The following CAD variants were observed in gnomAD, a reference collection of about 807,000 sequenced individuals.
CAD encodes multifunctional protein CAD.
A neutral mutation model predicts 237.2 loss-of-function variants in CAD; 81 were observed. The ratio of observed to expected loss-of-function variants is 0.34; its 90% CI spans 0.29 to 0.41. The LOEUF (loss-of-function observed/expected upper bound fraction) is 0.41, where lower values mean the gene tolerates loss of function less well. CAD is among the 10% of genes least tolerant of loss of function. The probability of loss-of-function intolerance (pLI) is 1.00; values close to 1 mark genes in which losing one functional copy is unlikely to be tolerated. For missense variants in CAD, 2,181 were observed against 2,951.7 expected (o/e 0.74, Z 6.05); for synonymous variants, 1,196 against 1,162.8 (o/e 1.03, Z -0.58).
chr2:27,234,782 G>A, intron 23 of CAD, 97 bp downstream of exon 23: 1 of 1,149,522 alleles, frequency 8.7e-7, no homozygotes, highest in Non-Finnish European at 1.2e-6. Context: ...GGCACTGACT[G>A]CAAGGCATTG....
At position 27,224,376 on chromosome 2, in the gene CAD, C is replaced by A. The variant is rs150506795; in HGVS notation, c.1140C>A (p.Pro380=). 8.7e-6 allele frequency: 14 copies of A among 1,614,098 alleles called. No homozygotes were observed. Among genetic ancestry groups the A allele is most frequent in the Non-Finnish European group, 1.2e-5 (14 of 1,180,052 alleles). Residue 380 remains proline (P), a synonymous_variant, in exon 9 of 44, where the codon CCC becomes CCA. Transcript: ENST00000264705. ...VRERLTERLC[P]PGIPTPGSGL... ...AGCGGCTGACTGAGCGCCTCTGTCC[C>A]CCTGGGATTCCCACTCCCGGCTCTG...
In CAD at chr2:27,232,557, C is replaced by T. The variant is rs1486356083; in HGVS notation, c.2755C>T (p.Leu919=). The change falls in exon 18 of 44, where the codon CTA becomes TTA. Residue 919 remains leucine, a synonymous_variant. Transcript: ENST00000264705. The surrounding 1 kb of genome is among the most constrained non-coding windows in gnomAD (Gnocchi z 4.1). ...EWPAQTNYLY[L]TYWGTTHDLT... is the part of the protein sequence containing the mutation. ...GCCAGCCCAGACAAATTACCTATACCTAACGTATTGGGGCACCACCCATGA... is the reference window on the plus strand; with the variant it reads ...GCCAGCCCAGACAAATTACCTATACTTAACGTATTGGGGCACCACCCATGA... 1 of 1,614,090 alleles carries T rather than the reference C, an allele frequency of 6.2e-7. No homozygotes were observed. Among genetic ancestry groups the T allele is most frequent in the East Asian group, 2.2e-5 (1 of 44,892 alleles).
chr2:27,234,790 T>C (rs1675922111), intron 23 of CAD, 105 bp downstream of exon 23: 3 of 1,090,948 alleles, frequency 2.7e-6, no homozygotes, highest in East Asian at 2.6e-5. Context: ...CTGCAAGGCA[T>C]TGCCGGATCG....
At position 27,223,606 on chromosome 2, in the gene CAD, T is replaced by G; in HGVS notation, c.853T>G (p.Ser285Ala). Residue 285 changes from serine (S) to alanine (A), a missense_variant, in exon 7 of 44, where the codon TCT becomes GCT. Around this residue, in one of 12 missense-constraint regions of CAD, gnomAD observed 129 missense variants for 143.3 expected, o/e 0.90. Transcript: ENST00000264705. ...GHNQPCLLVG[S>A]GRCFLTSQNH... ...TAACCAGCCCTGCTTGTTGGTGGGC[T>G]CTGGGCGCTGCTTTCTGACATCCCA... 1 of 1,613,602 alleles carries G rather than the reference T, an allele frequency of 6.2e-7. No individual in the cohort carries two copies. The highest frequency in any genetic ancestry group is 8.5e-7 in the Non-Finnish European group (1 of 1,180,012).
In CAD at chr2:27,241,882, G is replaced by T. The variant is rs773110156; in HGVS notation, c.5884-29G>T. 1 of 1,589,786 alleles carries T rather than the reference G, an allele frequency of 6.3e-7. No individual in the cohort carries two copies. The highest frequency in any genetic ancestry group is 1.1e-5 in the South Asian group (1 of 90,342). On this transcript the variant is annotated intron_variant, in intron 38 of 43. Transcript: ENST00000264705. The surrounding 1 kb of genome is among the most constrained non-coding windows in gnomAD (Gnocchi z 4.6). ...GTTTCCCCAGGGTGGACACGCATACGTACACCTTCCATCTTGCTCTTTCCC... is the reference window on the plus strand; with the variant it reads ...GTTTCCCCAGGGTGGACACGCATACTTACACCTTCCATCTTGCTCTTTCCC...
At position 27,239,620 on chromosome 2, in the gene CAD, T is replaced by C; in HGVS notation, c.5395-77T>C. On this transcript the variant is annotated intron_variant, in intron 33 of 43. Transcript: ENST00000264705. The surrounding 1 kb of genome is among the most constrained non-coding windows in gnomAD (Gnocchi z 4.0). ...GGCACAGCTCCCCCAAGGTGCTTTT[T>C]GTCCTTGCTGACATCTACCCCTTTA... 6.7e-7 allele frequency: 1 copy of C among 1,488,244 alleles called. No individual in the cohort carries two copies. The highest frequency in any genetic ancestry group is 9.2e-7 in the Non-Finnish European group (1 of 1,086,516). 92.2% of individuals were successfully genotyped at this position (1,488,244 alleles called of 1,614,324 possible). A position where few individuals can be genotyped will look rare whatever the true frequency, so the allele number is the denominator to read the frequency against.
At chr2:27,222,079 A>G (rs1675198858) in intron 3 of CAD, 115 bp from the exon 4 acceptor site, 5 of 1,016,478 alleles carry the variant, frequency 4.9e-6, no homozygotes, top group African/African-American at 3.2e-5. Context: ...ATTTTGATGC[A>G]CATAGAACAG....
chr2:27,229,719 T>A (rs763807522), intron 15 of CAD, among the ~76,000 whole-genome samples: 1 of 150,952 alleles, frequency 6.6e-6, no homozygotes, highest in Non-Finnish European at 1.5e-5. Context: ...CTAGAAAATA[T>A]ACAAAAATTA....
At position 27,235,552 on chromosome 2, in the gene CAD, T is replaced by C; in HGVS notation, c.3986T>C (p.Leu1329Pro). 1 of 1,614,106 alleles carries C rather than the reference T, an allele frequency of 6.2e-7. No homozygotes were observed. Among genetic ancestry groups the C allele is most frequent in the Non-Finnish European group, 8.5e-7 (1 of 1,180,008 alleles). Residue 1329 changes from leucine to proline, a missense_variant, in exon 25 of 44, where the codon CTC (leucine) becomes CCC (proline). By Grantham distance (98) the Leu-to-Pro change is moderately conservative. This residue lies in a region of CAD where 306 missense variants were observed against 607.9 expected (regional missense o/e 0.50). Transcript: ENST00000264705. The surrounding 1 kb of genome is among the most constrained non-coding windows in gnomAD (Gnocchi z 5.2). ...TGGTTTCAGAACAAAAGCGAGCTGC[T>C]CCCAACTGTGCGGCTACTGGAGAGC... ...IGSYKNKSELLPTVRLLESLG... is the reference protein window; with the variant it reads ...IGSYKNKSELPPTVRLLESLG...
chr2:27,231,048 C>T (rs528241096), intron 15 of CAD, among the ~76,000 whole-genome samples: 12 of 152,362 alleles, frequency 7.9e-5, no homozygotes, highest in South Asian at 6.2e-4. Context: ...CTTTGTTCCC[C>T]GGGCTGGAGT....
chr2:27,236,276 G>T lies in CAD; in HGVS notation c.4075-8G>T, dbSNP rs1411032199. 3.1e-6 allele frequency: 5 copies of T among 1,612,116 alleles called. No individual in the cohort carries two copies. Among genetic ancestry groups the T allele is most frequent in the South Asian group, 2.2e-5 (2 of 91,022 alleles). On this transcript the variant is annotated splice_region_variant and splice_polypyrimidine_tract_variant and intron_variant, in intron 25 of 43. Coordinates refer to ENST00000264705, the MANE Select transcript of CAD (RefSeq NM_004341.5). The surrounding 1 kb of genome is among the most constrained non-coding windows in gnomAD (Gnocchi z 4.1). ...AGCTTGGCCCTGACCTTGACTCCGG[G>T]TTGGCAGGTAACAGCTGTGGACTGG... is the stretch of plus-strand genomic sequence containing the variant.
At position 27,222,903 on chromosome 2, in the gene CAD, C is replaced by G; in HGVS notation, c.675C>G (p.Asp225Glu). The G allele has an allele frequency of 1.2e-6, 2 of 1,614,194 alleles. No individual in the cohort carries two copies. Among genetic ancestry groups the G allele is most frequent in the Non-Finnish European group, 1.7e-6 (2 of 1,180,044 alleles). ...TCTTCTTAAGTAATGGGCCTGGTGA[C>G]CCTGCCTCCTATCCCAGTGTCGTAT... The part of the protein sequence containing the change: ...EGLFLSNGPG[D>E]PASYPSVVST... Residue 225 changes from aspartate to glutamate, a missense_variant, in exon 6 of 44, where the codon GAC (aspartate) becomes GAG (glutamate). Coordinates refer to ENST00000264705, the MANE Select transcript of CAD (RefSeq NM_004341.5).
chr2:27,229,687 C>T (rs1675627242), intron 15 of CAD, among the ~76,000 whole-genome samples: 11 of 151,594 alleles, frequency 7.3e-5, no homozygotes, highest in Admixed American at 7.2e-4. Flanking sequence ...ACTAGCCTGG[C>T]CAATATGGTG....
chr2:27,226,291 A>G lies in CAD; in HGVS notation c.2003A>G (p.Gln668Arg). ...GGAATTGTTGGGGAGTGCAATGTGCAGTATGCCTTGAACCCTGAGTCTGAG... is the reference window on the plus strand; with the variant it reads ...GGAATTGTTGGGGAGTGCAATGTGCGGTATGCCTTGAACCCTGAGTCTGAG... ...HLGIVGECNV[Q>R]YALNPESEQY... Residue 668 changes from glutamine (Q) to arginine (R), a missense_variant, in exon 13 of 44, where the codon CAG becomes CGG. Gln to Arg is a conservative substitution (Grantham distance 43). Coordinates refer to ENST00000264705, the MANE Select transcript of CAD (RefSeq NM_004341.5). 6.2e-7 allele frequency: 1 copy of G among 1,614,212 alleles called. No homozygotes were observed.
At position 27,242,499 on chromosome 2, in the gene CAD, C is replaced by A; in HGVS notation, c.6222+72C>A. ...AGAGGGAGGCAGGAAGTGGTTACCC[C>A]GGTACAGGACAGCTGCATCAAGGAG... On this transcript the variant is annotated intron_variant, in intron 40 of 43. Coordinates refer to ENST00000264705, the MANE Select transcript of CAD (RefSeq NM_004341.5). The surrounding 1 kb of genome is among the most constrained non-coding windows in gnomAD (Gnocchi z 6.4). The A allele has an allele frequency of 6.3e-7, 1 of 1,576,560 alleles. No individual in the cohort carries two copies. The highest frequency in any genetic ancestry group is 8.6e-7 in the Non-Finnish European group (1 of 1,156,816).
At position 27,217,529 on chromosome 2, in the gene CAD, C is replaced by T; in HGVS notation, c.-23C>T. ...GTCCTTCCCGCTTCTCCGTACTCGC[C>T]CCCGCCTCTGAGCTCCCTTCCCATG... On this transcript the variant is annotated 5_prime_UTR_variant, in exon 1 of 44. Coordinates refer to ENST00000264705, the MANE Select transcript of CAD (RefSeq NM_004341.5). The T allele has an allele frequency of 6.3e-7, 1 of 1,586,266 alleles. No individual in the cohort carries two copies. The highest frequency in any genetic ancestry group is 8.6e-7 in the Non-Finnish European group (1 of 1,163,974).
At chr2:27,224,140 T>C in intron 8 of CAD, 111 bp downstream of exon 8, 1 of 937,952 alleles carries the variant, frequency 1.1e-6, no homozygotes, top group Non-Finnish European at 1.7e-6. Flanking sequence ...AGGTTAAGGG[T>C]ATTGGGGATG....
At position 27,224,996 on chromosome 2, in the gene CAD, C is replaced by T; in HGVS notation, c.1387-14C>T. 1 of 1,606,972 alleles carries T rather than the reference C, an allele frequency of 6.2e-7. No individual in the cohort carries two copies. Among genetic ancestry groups the T allele is most frequent in the Non-Finnish European group, 8.5e-7 (1 of 1,174,098 alleles). ...CAAGGTTCTGATGCCTGTAACTCCCCTCTCCATCCTCAGGTGATACGTAAT... is the reference window on the plus strand; with the variant it reads ...CAAGGTTCTGATGCCTGTAACTCCCTTCTCCATCCTCAGGTGATACGTAAT... On this transcript the variant is annotated splice_polypyrimidine_tract_variant and intron_variant, in intron 10 of 43. Coordinates refer to ENST00000264705, the MANE Select transcript of CAD (RefSeq NM_004341.5).
Position 27,232,763 on chromosome 2 carries a change from A to T in CAD, c.2892+69A>T. On this transcript the variant is annotated intron_variant, in intron 18 of 43. Coordinates refer to ENST00000264705, the MANE Select transcript of CAD (RefSeq NM_004341.5). The surrounding 1 kb of genome is among the most constrained non-coding windows in gnomAD (Gnocchi z 4.1). Reference sequence around the variant, plus strand: ...CATCTCTAGCAATTGCTTGGCACTAATCCTGGCATTTCCTATTAATTGCCG... The same window carrying T: ...CATCTCTAGCAATTGCTTGGCACTATTCCTGGCATTTCCTATTAATTGCCG... 6.3e-7 allele frequency: 1 copy of T among 1,585,126 alleles called. No individual in the cohort carries two copies. Among genetic ancestry groups the T allele is most frequent in the Non-Finnish European group, 8.6e-7 (1 of 1,156,680 alleles).
Sources: gnomAD v4.1 joint callset for allele counts (sites outside exome capture counted in the v4.1 genomes callset) on GRCh38, gnomAD v4.1.1 for gene constraint, gnomAD v4.1.1 regional missense constraint, Gnocchi (gnomAD v3.1) non-coding constraint, MANE v1.5 for transcripts, NCBI Gene and HGNC (gene_info 2026-07-23, HGNC 2026-07-21) for gene names.